Variants in LRPPRC observed in about 807,000 individuals in gnomAD.
LRPPRC encodes leucine-rich PPR motif-containing protein, mitochondrial.
In LRPPRC, 120 loss-of-function variants were observed where a neutral mutation model predicts 180.3. The ratio of observed to expected loss-of-function variants is 0.67; its 90% CI spans 0.57 to 0.77. The LOEUF (loss-of-function observed/expected upper bound fraction) is 0.77, where lower values mean the gene tolerates loss of function less well. Among genes scored for constraint, LRPPRC ranks in the 30% least tolerant of loss-of-function variants. The probability of loss-of-function intolerance (pLI) is 0.00; values close to 1 mark genes in which losing one functional copy is unlikely to be tolerated. For missense variants in LRPPRC, 2,012 were observed against 1,657.2 expected (o/e 1.21, Z -3.72); for synonymous variants, 723 against 600.0 (o/e 1.21, Z -3.00).
chr2:43,995,953 G>T lies in LRPPRC; in HGVS notation c.-6C>A. On this transcript the variant is annotated 5_prime_UTR_variant, in exon 1 of 38. Coordinates refer to ENST00000260665, the MANE Select transcript of LRPPRC (RefSeq NM_133259.4). ...GATCTCAGCAGGGCTGCCATTGCTC[G>T]AACGTCCCCGCAGCGGGAAGCACGC... The T allele has an allele frequency of 2.0e-6, 3 of 1,525,192 alleles. No homozygotes were observed. Among genetic ancestry groups the T allele is most frequent in the Non-Finnish European group, 2.6e-6 (3 of 1,142,784 alleles). 94.5% of individuals were successfully genotyped at this position (1,525,192 alleles called of 1,614,324 possible).
chr2:43,891,155 G>A (rs1295034944), intron 36 of LRPPRC, among the ~76,000 whole-genome samples: 1 of 152,188 alleles, frequency 6.6e-6, no homozygotes, highest in African/African-American at 2.4e-5. Context: ...CCCTTCCTGA[G>A]GAGCTGAACC....
At chr2:43,937,107 A>G (rs904428507) in intron 23 of LRPPRC, among the ~76,000 whole-genome samples, 1 of 152,224 alleles carries the variant, frequency 6.6e-6, no homozygotes, top group Non-Finnish European at 1.5e-5. Context: ...AAAGCTATCA[A>G]TAAATGAATG....
At chr2:43,928,483 G>C (rs577625547) in intron 25 of LRPPRC, among the ~76,000 whole-genome samples, 32 of 152,094 alleles carry the variant, frequency 2.1e-4, no homozygotes, top group Non-Finnish European at 4.1e-4. Context: ...TTCTGCTGGA[G>C]ATGTCAAATG....
At chr2:43,890,665 A>T (rs1194411901) in intron 36 of LRPPRC, among the ~76,000 whole-genome samples, 1 of 152,198 alleles carries the variant, frequency 6.6e-6, no homozygotes, top group East Asian at 1.9e-4. Context: ...GTGAGCCGAG[A>T]TGGTGCCACT....
intron 12 of LRPPRC, among the ~76,000 whole-genome samples, chr2:43,961,181 A>C (rs1210899900): frequency 6.6e-6 from 1 of 152,234 alleles, no homozygotes; most frequent in Non-Finnish European, 1.5e-5. Flanking sequence ...GCATACAAGC[A>C]TAAAATATAT....
intron 25 of LRPPRC, among the ~76,000 whole-genome samples, chr2:43,926,945 C>A (rs1053191436): frequency 6.6e-5 from 10 of 152,212 alleles, no homozygotes; most frequent in African/African-American, 2.2e-4. Context: ...AATTAAACAA[C>A]TGAGACATAT....
intron 11 of LRPPRC, among the ~76,000 whole-genome samples, chr2:43,968,720 A>T (rs920929966): frequency 6.6e-6 from 1 of 152,212 alleles, no homozygotes; most frequent in Non-Finnish European, 1.5e-5. Flanking sequence ...GTTGCCAGGG[A>T]CTAGGGTGAG....
At chr2:43,964,285 C>T (rs1157050850) in intron 11 of LRPPRC, among the ~76,000 whole-genome samples, 1 of 152,096 alleles carries the variant, frequency 6.6e-6, no homozygotes, top group Non-Finnish European at 1.5e-5. Context: ...TTCCCACTCA[C>T]AAAAATCTCT....
At chr2:43,970,009 ATT>A (rs1008072228) in intron 11 of LRPPRC, among the ~76,000 whole-genome samples, 1 of 152,056 alleles carries the variant, frequency 6.6e-6, no homozygotes, top group Admixed American at 6.6e-5. Context: ...TAATAACTTA[ATT>A]TTTTTCAGCT....
chr2:43,898,779 G>A (rs761822904), intron 34 of LRPPRC, among the ~76,000 whole-genome samples: 39 of 152,314 alleles, frequency 2.6e-4, no homozygotes, highest in Non-Finnish European at 4.7e-4. Flanking sequence ...GTGAGAAGCT[G>A]TACTTGAAAA....
rs533866182 is a variant in LRPPRC, at chr2:43,930,366, G to C, written c.2736+3824C>G. 3.3e-5 allele frequency among the ~76,000 whole-genome samples: 5 copies of C among 152,250 alleles called. No homozygotes were observed. In the South Asian group the frequency reaches 1.0e-3, roughly 32 times the overall value. The stretch of plus-strand genomic sequence containing the variant: ...GGAACCAATAGAAAACAGAAACTCA[G>C]GGCCTGGTTTCAAATTCCGTAACTA... On this transcript the variant is annotated intron_variant, in intron 25 of 37. Coordinates refer to ENST00000260665, the MANE Select transcript of LRPPRC (RefSeq NM_133259.4).
At chr2:43,895,246 A>G (rs1670638803) in intron 35 of LRPPRC, among the ~76,000 whole-genome samples, 1 of 152,190 alleles carries the variant, frequency 6.6e-6, no homozygotes. Flanking sequence ...CCCTCTTCCC[A>G]TCTCACCAAG....
At chr2:43,974,562 T>C (rs998862772) in intron 8 of LRPPRC, 52 bp downstream of exon 8, 11 of 1,226,660 alleles carry the variant, frequency 9.0e-6, no homozygotes, top group Non-Finnish European at 1.3e-5. Flanking sequence ...CATGTAAGAA[T>C]AGCAATTCAG....
Position 43,906,137 on chromosome 2 carries a change from A to G in LRPPRC, c.3276-357T>C, listed in dbSNP as rs577414832. Among the ~76,000 whole-genome samples, 286 of 152,116 alleles carry G rather than the reference A, an allele frequency of 1.9e-3. 3 individuals carry two copies. The highest frequency in any genetic ancestry group is 3.0e-3 in the Non-Finnish European group (202 of 68,008). ...AAGCTGGATACTTTTTTTTTTCTAC[A>G]TTCACAGTAATTATAAAATGTAAAA... On this transcript the variant is annotated intron_variant, in intron 30 of 37. Coordinates refer to ENST00000260665, the MANE Select transcript of LRPPRC (RefSeq NM_133259.4).
intron 23 of LRPPRC, among the ~76,000 whole-genome samples, chr2:43,941,837 T>TAAAAAAAAAAAA (rs35278650): frequency 1.1e-5 from 1 of 92,860 alleles, no homozygotes; most frequent in Non-Finnish European, 2.3e-5. Context: ...CAAAGTAGTC[T>TAAAAAAAAAAAA]AAAAAAAAAA....
At chr2:43,959,661 TTGGGA>T (rs1468776223) in intron 13 of LRPPRC, among the ~76,000 whole-genome samples, 4 of 152,110 alleles carry the variant, frequency 2.6e-5, no homozygotes, top group Non-Finnish European at 5.9e-5. Context: ...TCCCAGCACT[TTGGGA>T]GGCTGAGGCA....
intron 12 of LRPPRC, among the ~76,000 whole-genome samples, chr2:43,961,220 G>C (rs1673333464): frequency 6.6e-6 from 1 of 152,014 alleles, no homozygotes; most frequent in South Asian, 2.1e-4. Context: ...GTTATGAAAA[G>C]GTGTCAAATG....
chr2:43,915,256 A>T lies in LRPPRC; in HGVS notation c.3149-2698T>A, dbSNP rs1297230475. Among the ~76,000 whole-genome samples, 1,333 of 142,530 alleles carry T rather than the reference A, an allele frequency of 9.4e-3. 20 individuals carry two copies. The highest frequency in any genetic ancestry group is 0.035 in the African/African-American group (1,226 of 35,152). 93.5% of individuals were successfully genotyped at this position (142,530 alleles called of 152,430 possible). ...CTCACACACACACACACACACACAC[A>T]CACACACACACACACACACACAAGT... On this transcript the variant is annotated intron_variant, in intron 29 of 37. Coordinates refer to ENST00000260665, the MANE Select transcript of LRPPRC (RefSeq NM_133259.4).
intron 29 of LRPPRC, among the ~76,000 whole-genome samples, chr2:43,915,236 A>ACT (rs1671421706): frequency 1.0e-4 from 5 of 47,908 alleles, no homozygotes; most frequent in Non-Finnish European, 2.0e-4. Flanking sequence ...TCTCTCTCAC[A>ACT]CACACACACA....
Sources: gnomAD v4.1 joint callset for allele counts (sites outside exome capture counted in the v4.1 genomes callset) on GRCh38, gnomAD v4.1.1 for gene constraint, MANE v1.5 for transcripts, NCBI Gene and HGNC (gene_info 2026-07-23, HGNC 2026-07-21) for gene names.